Variants in PRKD1 observed in about 807,000 individuals in gnomAD.
The protein encoded by PRKD1 is serine/threonine-protein kinase D1.
PRKD1 carries 63 observed loss-of-function variants against 95.9 expected under a neutral mutation model. The observed-to-expected ratio is 0.66, with a 90% CI of 0.54 to 0.81. The LOEUF is 0.81. Ranked by LOEUF, PRKD1 falls within the 30% of genes least tolerant of loss-of-function variation. The pLI, the probability that PRKD1 is intolerant of heterozygous loss-of-function variation, is 0.00. For missense variants in PRKD1, 1,048 were observed against 1,165.3 expected, an observed-to-expected ratio of 0.90 and a Z score of 1.47; for synonymous variants, 425 against 423.1, an observed-to-expected ratio of 1.00 and a Z score of -0.05.
intron 2 of PRKD1, among the ~76,000 whole-genome samples, chr14:29,667,628 C>T (rs1285387324): frequency 1.3e-5 from 2 of 152,122 alleles, no homozygotes; most frequent in East Asian, 1.9e-4. Flanking sequence ...CTCTCATACT[C>T]ATGTAGAAAA....
At chr14:29,651,787 AGT>A in intron 4 of PRKD1, among the ~76,000 whole-genome samples, 1 of 151,610 alleles carries the variant, frequency 6.6e-6, no homozygotes, top group Non-Finnish European at 1.5e-5. Context: ...CTTGTTGTGC[AGT>A]CTAGAGTGCA....
chr14:29,849,945 A>C (rs1222425640), intron 1 of PRKD1, among the ~76,000 whole-genome samples: 1 of 152,198 alleles, frequency 6.6e-6, no homozygotes, highest in Non-Finnish European at 1.5e-5. Flanking sequence ...AATCAAAAAC[A>C]AAAACCATAA....
At chr14:29,640,776 G>A (rs899108658) in intron 4 of PRKD1, among the ~76,000 whole-genome samples, 9 of 152,150 alleles carry the variant, frequency 5.9e-5, no homozygotes, top group African/African-American at 2.2e-4. Flanking sequence ...ATAACCTGAT[G>A]TCACACTTTG....
At chr14:29,674,270 A>G (rs1883029967) in intron 2 of PRKD1, among the ~76,000 whole-genome samples, 1 of 152,184 alleles carries the variant, frequency 6.6e-6, no homozygotes, top group Non-Finnish European at 1.5e-5. Flanking sequence ...TGTCTCTTCT[A>G]CTACCTTATA....
intron 13 of PRKD1, among the ~76,000 whole-genome samples, chr14:29,618,142 C>A (rs1463886808): frequency 6.6e-6 from 1 of 152,010 alleles, no homozygotes; most frequent in Non-Finnish European, 1.5e-5. Context: ...TCTGTGATAT[C>A]CTTAATAATC....
intron 1 of PRKD1, among the ~76,000 whole-genome samples, chr14:29,923,811 A>G (rs74412461): frequency 1.6e-3 from 180 of 112,216 alleles, no homozygotes; most frequent in South Asian, 4.4e-3. Flanking sequence ...TCATTTGAGG[A>G]AAAAAAAAAA....
At chr14:29,812,720 C>A (rs541489618) in intron 1 of PRKD1, among the ~76,000 whole-genome samples, 1 of 152,322 alleles carries the variant, frequency 6.6e-6, no homozygotes, top group South Asian at 2.1e-4. Context: ...ATGATCCAAT[C>A]ACTTCCTTCC....
intron 1 of PRKD1, among the ~76,000 whole-genome samples, chr14:29,820,889 G>A (rs1243521589): frequency 6.6e-6 from 1 of 152,210 alleles, no homozygotes; most frequent in East Asian, 1.9e-4. Flanking sequence ...GCACAGATGA[G>A]GTGGAATGAG....
chr14:29,885,373 A>G (rs989642466), intron 1 of PRKD1, among the ~76,000 whole-genome samples: 2 of 152,174 alleles, frequency 1.3e-5, no homozygotes, highest in East Asian at 1.9e-4. Context: ...AAAGCAAAAC[A>G]GTGCAATTCT....
chr14:29,693,826 T>C (rs1884373551), intron 2 of PRKD1, among the ~76,000 whole-genome samples: 2 of 152,164 alleles, frequency 1.3e-5, no homozygotes, highest in Admixed American at 1.3e-4. Context: ...ACCCAGATGG[T>C]TTCCTGCAAT....
intron 8 of PRKD1, among the ~76,000 whole-genome samples, chr14:29,633,664 A>G (rs1418886313): frequency 1.3e-5 from 2 of 152,142 alleles, no homozygotes; most frequent in Non-Finnish European, 2.9e-5. Flanking sequence ...CTCCTCCACA[A>G]CCAATTTTAG....
At chr14:29,688,164 G>A (rs1187280354) in intron 2 of PRKD1, among the ~76,000 whole-genome samples, 6 of 152,096 alleles carry the variant, frequency 3.9e-5, no homozygotes, top group Non-Finnish European at 5.9e-5. Context: ...AGCCAAAAAC[G>A]TTAGGCCAAT....
intron 1 of PRKD1, among the ~76,000 whole-genome samples, chr14:29,753,591 C>T (rs1477132595): frequency 6.6e-6 from 1 of 152,058 alleles, no homozygotes; most frequent in Non-Finnish European, 1.5e-5. Context: ...TATTTTTCTC[C>T]TTTATTTCTA....
At chr14:29,776,169 G>A (rs1175789718) in intron 1 of PRKD1, among the ~76,000 whole-genome samples, 1 of 152,102 alleles carries the variant, frequency 6.6e-6, no homozygotes, top group Non-Finnish European at 1.5e-5. Flanking sequence ...AAAGACCAAA[G>A]GTAGATGAAA....
intron 2 of PRKD1, among the ~76,000 whole-genome samples, chr14:29,721,851 A>C (rs908533338): frequency 2.6e-5 from 4 of 152,140 alleles, no homozygotes. Context: ...ACTCATGAGC[A>C]ATCTTTTCCT....
At chr14:29,679,222 T>C (rs1883395657) in intron 2 of PRKD1, among the ~76,000 whole-genome samples, 1 of 152,232 alleles carries the variant, frequency 6.6e-6, no homozygotes, top group Non-Finnish European at 1.5e-5. Context: ...ATGGCAACTT[T>C]AGCCCATCTT....
At chr14:29,813,266 A>G (rs1327573912) in intron 1 of PRKD1, among the ~76,000 whole-genome samples, 1 of 152,252 alleles carries the variant, frequency 6.6e-6, no homozygotes, top group African/African-American at 2.4e-5. Flanking sequence ...GGAAAGCCCA[A>G]AATCAACTTT....
intron 4 of PRKD1, among the ~76,000 whole-genome samples, chr14:29,647,347 C>T (rs769454586): frequency 2.6e-5 from 4 of 151,988 alleles, no homozygotes; most frequent in Non-Finnish European, 5.9e-5. Context: ...AGTGATCTAC[C>T]CATTGCAGGG....
chr14:29,661,314 G>A (rs1276492391), intron 4 of PRKD1, among the ~76,000 whole-genome samples: 2 of 152,114 alleles, frequency 1.3e-5, no homozygotes, highest in African/African-American at 2.4e-5. Flanking sequence ...CAAGGGTCAG[G>A]CCATCATTCT....
Sources: allele counts gnomAD v4.1 joint callset (sites outside exome capture counted in the v4.1 genomes callset), GRCh38; gene constraint gnomAD v4.1.1; transcripts MANE v1.5; gene names NCBI Gene and HGNC (gene_info 2026-07-23, HGNC 2026-07-21).